Variants in RAP1A observed in about 807,000 individuals in gnomAD.
The protein encoded by RAP1A is ras-related protein Rap-1A.
Under a neutral mutation model 26.4 loss-of-function variants are expected in RAP1A, and 6 were observed. That is an observed-to-expected ratio of 0.23 (90% CI 0.12 to 0.45). RAP1A has a LOEUF of 0.45. Among genes scored for constraint, RAP1A ranks in the 20% least tolerant of loss-of-function variants. The pLI, the probability that RAP1A is intolerant of heterozygous loss-of-function variation, is 0.99. For missense variants in RAP1A, 121 were observed against 217.2 expected (o/e 0.56, Z 2.78); for synonymous variants, 73 against 79.4 (o/e 0.92, Z 0.43).
At chr1:111,570,007 C>T (rs1226392031) in intron 1 of RAP1A, among the ~76,000 whole-genome samples, 1 of 152,184 alleles carries the variant, frequency 6.6e-6, no homozygotes, top group Non-Finnish European at 1.5e-5. Flanking sequence ...GAGGAAACTG[C>T]TTGAGTGCTA....
At chr1:111,643,549 C>T (rs1296340597) in intron 1 of RAP1A, among the ~76,000 whole-genome samples, 1 of 152,204 alleles carries the variant, frequency 6.6e-6, no homozygotes, top group Non-Finnish European at 1.5e-5. Flanking sequence ...CCTCCTCAAA[C>T]AATGACATAT....
Position 111,604,110 on chromosome 1 carries a change from A to C in RAP1A, c.-28+61601A>C, listed in dbSNP as rs116398413. ...GATGAGAGGAGCAACGTGAATGCGG[A>C]GGAAGTGGGTAAGTGAGAAGAGGCC... On this transcript the variant is annotated intron_variant, in intron 1 of 7. Coordinates refer to the RAP1A transcript ENST00000356415. Among the ~76,000 whole-genome samples, 1,466 of 152,274 alleles carry C rather than the reference A, an allele frequency of 9.6e-3. 18 individuals are homozygous for C. The highest frequency in any genetic ancestry group is 0.034 in the African/African-American group (1,397 of 41,548).
chr1:111,690,311 A>G (rs1352659486), intron 1 of RAP1A, among the ~76,000 whole-genome samples: 2 of 152,238 alleles, frequency 1.3e-5, no homozygotes, highest in East Asian at 3.8e-4. Context: ...GAATTGTTCC[A>G]CCTGTAAATC....
chr1:111,592,402 C>G (rs1462872674), intron 1 of RAP1A, among the ~76,000 whole-genome samples: 2 of 152,222 alleles, frequency 1.3e-5, no homozygotes, highest in African/African-American at 2.4e-5. Context: ...GCCACTTAAC[C>G]CCAGATATTG....
chr1:111,546,965 A>G (rs1657056408), intron 1 of RAP1A, among the ~76,000 whole-genome samples: 1 of 152,142 alleles, frequency 6.6e-6, no homozygotes, highest in Admixed American at 6.5e-5. Context: ...TTGGTTTTTA[A>G]TAATAGCCAT....
intron 1 of RAP1A, among the ~76,000 whole-genome samples, chr1:111,601,275 C>A (rs1262516854): frequency 6.6e-6 from 1 of 152,092 alleles, no homozygotes; most frequent in Non-Finnish European, 1.5e-5. Flanking sequence ...TTCAACCACA[C>A]CGATTGTCCT....
At chr1:111,641,647 G>A (rs979142291) in intron 1 of RAP1A, among the ~76,000 whole-genome samples, 1 of 152,102 alleles carries the variant, frequency 6.6e-6, no homozygotes, top group Admixed American at 6.5e-5. Context: ...GTGTGTGTGT[G>A]TGCGCGCGCA....
intron 1 of RAP1A, among the ~76,000 whole-genome samples, chr1:111,661,179 A>G (rs571365067): frequency 1.3e-5 from 2 of 152,356 alleles, no homozygotes; most frequent in South Asian, 4.1e-4. Context: ...CTTGTAAGCC[A>G]TGTTAACATC....
At chr1:111,672,529 A>C (rs962425117) in intron 1 of RAP1A, among the ~76,000 whole-genome samples, 3 of 152,142 alleles carry the variant, frequency 2.0e-5, no homozygotes, top group Middle Eastern at 3.4e-3. Flanking sequence ...AGATGTGGGA[A>C]GACAGAAACA....
At chr1:111,607,609 C>G (rs1571494481) in intron 1 of RAP1A, among the ~76,000 whole-genome samples, 1 of 148,764 alleles carries the variant, frequency 6.7e-6, no homozygotes, top group Non-Finnish European at 1.5e-5. Flanking sequence ...GCGCCCCTCA[C>G]CTCCCGGACA....
chr1:111,557,600 T>C (rs1371203993), intron 1 of RAP1A, among the ~76,000 whole-genome samples: 1 of 151,528 alleles, frequency 6.6e-6, no homozygotes, highest in African/African-American at 2.4e-5. Context: ...TTTTGGATAA[T>C]TAAAAATTGG....
At chr1:111,659,912 A>G (rs1383551730) in intron 1 of RAP1A, among the ~76,000 whole-genome samples, 3 of 152,242 alleles carry the variant, frequency 2.0e-5, no homozygotes, top group African/African-American at 7.2e-5. Flanking sequence ...CTAGTCCCTT[A>G]TAACATTGCT....
At chr1:111,694,586 C>A (rs1661772266) in intron 2 of RAP1A, among the ~76,000 whole-genome samples, 1 of 152,008 alleles carries the variant, frequency 6.6e-6, no homozygotes, top group African/African-American at 2.4e-5. Flanking sequence ...TTGATAATAT[C>A]TGAAAAAGAT....
intron 1 of RAP1A, among the ~76,000 whole-genome samples, chr1:111,623,120 C>T (rs1460069980): frequency 6.7e-6 from 1 of 149,266 alleles, no homozygotes; most frequent in Non-Finnish European, 1.5e-5. Flanking sequence ...TGGGTTCAAG[C>T]GATTCTCCTG....
intron 1 of RAP1A, among the ~76,000 whole-genome samples, chr1:111,659,630 G>A (rs1308262056): frequency 6.6e-6 from 1 of 151,736 alleles, no homozygotes; most frequent in African/African-American, 2.4e-5. Flanking sequence ...ATTGGTGTTG[G>A]ATTAATATAT....
intron 1 of RAP1A, among the ~76,000 whole-genome samples, chr1:111,631,197 A>G (rs1659557694): frequency 6.6e-6 from 1 of 152,220 alleles, no homozygotes; most frequent in Non-Finnish European, 1.5e-5. Context: ...TCCCTTCAAG[A>G]TCCTAGCACT....
rs961005242 is a variant in RAP1A at position 111,690,867 on chromosome 1, G to A, written c.-27-467G>A. Among the ~76,000 whole-genome samples, 6 of 152,096 alleles carry A rather than the reference G, an allele frequency of 3.9e-5. 1 individual carries two copies. In the South Asian group the frequency reaches 6.2e-4, roughly 16 times the overall value. On this transcript the variant is annotated intron_variant, in intron 1 of 7. Transcript: ENST00000369709. ...TTATTTTCAAGATGACATTTTAAAT[G>A]GTTCAGCTATAATACAATAATGAAC...
At chr1:111,664,313 G>A (rs11809669) in intron 1 of RAP1A, among the ~76,000 whole-genome samples, 13,932 of 139,540 alleles carry the variant, frequency 0.1, 1,695 homozygotes, top group African/African-American at 0.3. Context: ...GGCGGAGGTT[G>A]TAGTAAGCTG....
At chr1:111,613,811 T>G (rs1658969089) in intron 1 of RAP1A, among the ~76,000 whole-genome samples, 2 of 152,238 alleles carry the variant, frequency 1.3e-5, no homozygotes, top group Non-Finnish European at 2.9e-5. Flanking sequence ...CTGGTCATTT[T>G]GTGGACCAGC....
Sources: allele counts gnomAD v4.1 joint callset (sites outside exome capture counted in the v4.1 genomes callset), GRCh38; gene constraint gnomAD v4.1.1; transcripts MANE v1.5; gene names NCBI Gene and HGNC (gene_info 2026-07-23, HGNC 2026-07-21).